LETM1: variants seen among roughly 807,000 people sequenced by gnomAD.
LETM1 encodes leucine zipper and EF-hand containing transmembrane protein 1, also known as mitochondrial proton/calcium exchanger protein.
LETM1 carries 50 observed loss-of-function variants against 74.5 expected under a neutral mutation model. The ratio of observed to expected loss-of-function variants is 0.67; its 90% CI spans 0.53 to 0.85. The LOEUF (loss-of-function observed/expected upper bound fraction) is 0.85, where lower values mean the gene tolerates loss of function less well. LETM1 is among the 40% of genes least tolerant of loss of function. The pLI is 0.00. For synonymous variants in LETM1, 446 were observed against 407.1 expected (o/e 1.10, Z -1.15); for missense variants, 824 against 967.8 (o/e 0.85, Z 1.97).
chr4:1,847,990 G>A lies in LETM1; in HGVS notation c.143+1159C>T, dbSNP rs575574580. 3.1e-4 allele frequency among the ~76,000 whole-genome samples: 47 copies of A among 150,470 alleles called. 1 individual carries two copies. The East Asian group carries it at 9.2e-3, about 29-fold the overall frequency. The stretch of plus-strand genomic sequence containing the variant: ...CAGCTTGGTGACAGCGCGAGACTCT[G>A]TCTCAAAAAAAATAAAAATAAAAAA... On this transcript the variant is annotated intron_variant, in intron 2 of 13. Coordinates refer to ENST00000302787, the MANE Select transcript of LETM1 (RefSeq NM_012318.3).
At chr4:1,840,740 C>A (rs1712662278) in intron 3 of LETM1, among the ~76,000 whole-genome samples, 1 of 149,678 alleles carries the variant, frequency 6.7e-6, no homozygotes, top group Non-Finnish European at 1.5e-5. Context: ...GTGGTGGGAA[C>A]CTAACTTGAA....
At chr4:1,815,354 CCT>C (rs1300278549) in intron 13 of LETM1, among the ~76,000 whole-genome samples, 2 of 152,172 alleles carry the variant, frequency 1.3e-5, no homozygotes, top group Non-Finnish European at 2.9e-5. Flanking sequence ...GTCGGGGGCC[CCT>C]GAGAGGTGTT....
At chr4:1,817,065 G>A in intron 11 of LETM1, 151 bp from the exon 12 acceptor site, 1 of 596,966 alleles carries the variant, frequency 1.7e-6, no homozygotes, top group South Asian at 2.0e-5. Flanking sequence ...GGCCAATGTG[G>A]TGAAACCCCG....
intron 2 of LETM1, 100 bp downstream of exon 2, chr4:1,849,049 A>T: frequency 1.3e-6 from 1 of 795,416 alleles, no homozygotes; most frequent in Non-Finnish European, 2.3e-6. Flanking sequence ...AAAGTAGGAT[A>T]CACTGTTTCC....
At chr4:1,837,806 G>A (rs1350390914) in intron 3 of LETM1, among the ~76,000 whole-genome samples, 1 of 150,018 alleles carries the variant, frequency 6.7e-6, no homozygotes, top group African/African-American at 2.5e-5. Flanking sequence ...TGGTTCAAGC[G>A]ATTCTCCTGC....
intron 1 of LETM1, among the ~76,000 whole-genome samples, chr4:1,853,592 G>A (rs1713142055): frequency 6.6e-6 from 1 of 152,188 alleles, no homozygotes. Context: ...TGCAGACAAG[G>A]AAAGCCTGAG....
At chr4:1,849,813 GT>G (rs1219999510) in intron 1 of LETM1, among the ~76,000 whole-genome samples, 1 of 152,188 alleles carries the variant, frequency 6.6e-6, no homozygotes, top group African/African-American at 2.4e-5. Flanking sequence ...CTCCCAAAGT[GT>G]TGGGATTACA....
In LETM1 at chr4:1,836,418, G is replaced by A. The variant is rs1712464500; in HGVS notation, c.738+11C>T. 6.2e-7 allele frequency: 1 copy of A among 1,613,584 alleles called. No homozygotes were observed. Among genetic ancestry groups the A allele is most frequent in the Non-Finnish European group, 8.5e-7 (1 of 1,179,634 alleles). ...TCATTCTAAAACAAGCAGTTGGGAT[G>A]CTGCCCTTACCTTGAGTGACTGAGT... On this transcript the variant is annotated intron_variant, in intron 4 of 13. Transcript: ENST00000302787. The surrounding 1 kb of genome is among the most constrained non-coding windows in gnomAD (Gnocchi z 5.8).
intron 1 of LETM1, among the ~76,000 whole-genome samples, chr4:1,855,433 C>T (rs1426991821): frequency 6.6e-6 from 1 of 152,198 alleles, no homozygotes; most frequent in African/African-American, 2.4e-5. Flanking sequence ...CAGTGACGGA[C>T]CAGGAAGGCT....
At chr4:1,826,202 G>C (rs1434814107) in intron 6 of LETM1, among the ~76,000 whole-genome samples, 1 of 152,244 alleles carries the variant, frequency 6.6e-6, no homozygotes, top group Non-Finnish European at 1.5e-5. Context: ...GGTGAAGAGA[G>C]ACACGGAGAA....
At chr4:1,816,464 C>A (rs1264187232) in intron 12 of LETM1, among the ~76,000 whole-genome samples, 1 of 152,014 alleles carries the variant, frequency 6.6e-6, no homozygotes, top group African/African-American at 2.4e-5. Flanking sequence ...CAGAAGCCAA[C>A]AGAGGTGGAG....
intron 13 of LETM1, 22 bp downstream of exon 13, chr4:1,815,642 C>T (rs372488672): frequency 1.2e-4 from 195 of 1,612,922 alleles, no homozygotes; most frequent in South Asian, 1.1e-3. Context: ...GGATGGCCTG[C>T]GTGGTCCCCA....
Position 1,812,751 on chromosome 4 carries a change from C to T in LETM1, c.*1673G>A, listed in dbSNP as rs1253302295. 6.6e-6 allele frequency: 1 copy of T among 152,442 alleles called. No individual in the cohort carries two copies. The highest frequency in any genetic ancestry group is 1.5e-5 in the Non-Finnish European group (1 of 68,154). The allele number at this position is 152,442 out of a possible 1,614,324, so 9.4% of individuals were successfully genotyped here. On this transcript the variant is annotated 3_prime_UTR_variant, in exon 14 of 14. Coordinates refer to ENST00000302787, the MANE Select transcript of LETM1 (RefSeq NM_012318.3). ...AGCCACCAAAGGCACCCACCAGAGC[C>T]TTCCCCACCTGCAAAGCCCCTGCAG...
chr4:1,822,454 G>C (rs1476668780), intron 9 of LETM1, 142 bp from the exon 10 acceptor site: 1 of 986,882 alleles, frequency 1.0e-6, no homozygotes, highest in South Asian at 3.6e-5. Flanking sequence ...TGCCACAGAA[G>C]GTCCCTAGGG....
Position 1,836,562 on chromosome 4 carries a change from A to G in LETM1, c.605T>C (p.Ile202Thr). The G allele has an allele frequency of 6.2e-7, 1 of 1,613,786 alleles. No individual in the cohort carries two copies. ...TRRERRQFLR[I>T]CADLFRLVPF... ...CACCAGGCGGAAGAGGTCAGCGCAG[A>G]TCCGGAGAAACTGGAAGGGGCGGAA... Residue 202 changes from isoleucine to threonine, a missense_variant, in exon 4 of 14, where the codon ATC becomes ACC. Around this residue, in one of 4 missense-constraint regions of LETM1, gnomAD observed 269 missense variants for 348.8 expected, o/e 0.77. Transcript: ENST00000302787. The surrounding 1 kb of genome is among the most constrained non-coding windows in gnomAD (Gnocchi z 5.8).
In LETM1 at chr4:1,825,613, A is replaced by G. The variant is rs1250323233; in HGVS notation, c.1151T>C (p.Met384Thr). 1.3e-5 allele frequency: 21 copies of G among 1,613,860 alleles called. No homozygotes were observed. Among genetic ancestry groups the G allele is most frequent in the Non-Finnish European group, 1.7e-5 (20 of 1,179,952 alleles). The stretch of plus-strand genomic sequence containing the variant: ...GTCTTCCGTGACGCCCAGGGCCCGC[A>G]TGCCTCGTGCCCGACACGCTGCCTG... ...ELQAACRARG[M>T]RALGVTEDRL... The change falls in exon 7 of 14, where the codon ATG becomes ACG. Residue 384 changes from methionine to threonine, a missense_variant. Around this residue, in one of 4 missense-constraint regions of LETM1, gnomAD observed 269 missense variants for 348.8 expected, o/e 0.77. Transcript: ENST00000302787.
chr4:1,828,485 C>T (rs1400865783), intron 6 of LETM1, among the ~76,000 whole-genome samples: 3 of 95,178 alleles, frequency 3.2e-5, no homozygotes, highest in African/African-American at 1.5e-4. Flanking sequence ...CCGGACGGGG[C>T]GGCTGGCCGG....
intron 6 of LETM1, among the ~76,000 whole-genome samples, chr4:1,827,019 C>T (rs1326675669): frequency 1.3e-5 from 2 of 152,244 alleles, no homozygotes; most frequent in Admixed American, 1.3e-4. Flanking sequence ...GCCCGTCCCT[C>T]AGCCCCGCTC....
intron 13 of LETM1, among the ~76,000 whole-genome samples, chr4:1,815,440 G>A (rs968572893): frequency 7.9e-5 from 12 of 152,236 alleles, no homozygotes; most frequent in African/African-American, 2.9e-4. Flanking sequence ...CACTAGGTGC[G>A]TTTTCTCTCT....
Sources: gnomAD v4.1 joint callset for allele counts (sites outside exome capture counted in the v4.1 genomes callset) on GRCh38, gnomAD v4.1.1 for gene constraint, gnomAD v4.1.1 regional missense constraint, Gnocchi (gnomAD v3.1) non-coding constraint, MANE v1.5 for transcripts, NCBI Gene and HGNC (gene_info 2026-07-23, HGNC 2026-07-21) for gene names.